Variants in ASAP2 observed in about 807,000 individuals in gnomAD.
The protein encoded by ASAP2 is arf-GAP with SH3 domain, ANK repeat and PH domain-containing protein 2.
In ASAP2, 45 loss-of-function variants were observed where a neutral mutation model predicts 131.4. The ratio of observed to expected loss-of-function variants is 0.34; its 90% CI spans 0.27 to 0.44. The LOEUF is 0.44. Among genes scored for constraint, ASAP2 ranks in the 20% least tolerant of loss-of-function variants. ASAP2 has a pLI of 1.00. For synonymous variants in ASAP2, 510 were observed against 503.0 expected, an observed-to-expected ratio of 1.01 and a Z score of -0.19; for missense variants, 1,011 against 1,297.0, an observed-to-expected ratio of 0.78 and a Z score of 3.39.
At chr2:9,368,261 G>A (rs1673633460) in intron 15 of ASAP2, among the ~76,000 whole-genome samples, 164 bp from the exon 16 acceptor site, 1 of 152,132 alleles carries the variant, frequency 6.6e-6, no homozygotes, top group Non-Finnish European at 1.5e-5. Context: ...AATTTTATGG[G>A]TACCTTTGGG....
rs367622738 is a variant in ASAP2 at position 9,286,449 on chromosome 2, T to A, written c.199+7060T>A. The stretch of plus-strand genomic sequence containing the variant: ...TTTTTTAAAAAAGGAAAAAAAAAAA[T>A]ATATATATATATACTGTATCTGATT... On this transcript the variant is annotated intron_variant, in intron 2 of 27. Coordinates refer to ENST00000281419, the MANE Select transcript of ASAP2 (RefSeq NM_003887.3). Among the ~76,000 whole-genome samples, 976 of 143,648 alleles carry A rather than the reference T, an allele frequency of 6.8e-3. 7 individuals carry two copies. The highest frequency in any genetic ancestry group is 9.6e-3 in the Non-Finnish European group (645 of 66,914). The allele number at this position is 143,648 out of a possible 152,430, so 94.2% of individuals were successfully genotyped here. A position where few individuals can be genotyped will look rare whatever the true frequency, so the allele number is the denominator to read the frequency against.
intron 4 of ASAP2, among the ~76,000 whole-genome samples, chr2:9,319,489 C>CG (rs998970264): frequency 3.9e-5 from 6 of 152,152 alleles, no homozygotes; most frequent in African/African-American, 1.4e-4. Flanking sequence ...AACTCACGGG[C>CG]GGGAAGGCAT....
At chr2:9,336,372 C>T (rs1159692719) in intron 9 of ASAP2, among the ~76,000 whole-genome samples, 1 of 152,112 alleles carries the variant, frequency 6.6e-6, no homozygotes, top group African/African-American at 2.4e-5. Context: ...GGAGCGCTGC[C>T]TCTGATCACC....
chr2:9,284,993 T>TA (rs1444823818), intron 2 of ASAP2, among the ~76,000 whole-genome samples: 1 of 152,220 alleles, frequency 6.6e-6, no homozygotes, highest in Non-Finnish European at 1.5e-5. Flanking sequence ...TTACCATCGT[T>TA]ACCTGCACAA....
intron 3 of ASAP2, among the ~76,000 whole-genome samples, chr2:9,308,228 A>C (rs1669074503): frequency 6.6e-6 from 1 of 152,166 alleles, no homozygotes; most frequent in South Asian, 2.1e-4. Flanking sequence ...GCTTCTGGGG[A>C]GGCCTCAGGA....
At chr2:9,401,538 C>G in intron 27 of ASAP2, 142 bp downstream of exon 27, 1 of 1,145,232 alleles carries the variant, frequency 8.7e-7, no homozygotes, top group Non-Finnish European at 1.2e-6. Context: ...CCCTTAGCAT[C>G]CTCAGGAGCT....
chr2:9,332,498 C>T (rs1261214916), intron 7 of ASAP2, among the ~76,000 whole-genome samples: 1 of 152,180 alleles, frequency 6.6e-6, no homozygotes, highest in Non-Finnish European at 1.5e-5. Context: ...AATCCAAATT[C>T]ATATTGTTAT....
intron 1 of ASAP2, among the ~76,000 whole-genome samples, chr2:9,214,469 A>G (rs993418483): frequency 6.6e-6 from 1 of 152,020 alleles, no homozygotes; most frequent in African/African-American, 2.4e-5. Flanking sequence ...TGAACTCCTG[A>G]CCTCAGGTGA....
At chr2:9,399,905 G>T in intron 24 of ASAP2, 118 bp from the exon 25 acceptor site, 1 of 1,014,144 alleles carries the variant, frequency 9.9e-7, no homozygotes, top group East Asian at 2.4e-5. Context: ...AGTGACAGTG[G>T]AGGAAACCAC....
chr2:9,367,424 T>G (rs1192053124), intron 15 of ASAP2, among the ~76,000 whole-genome samples: 1 of 152,214 alleles, frequency 6.6e-6, no homozygotes, highest in African/African-American at 2.4e-5. Context: ...CTCAAAGCAC[T>G]GAGCTTGGTG....
chr2:9,317,192 C>T (rs530699616), intron 3 of ASAP2, among the ~76,000 whole-genome samples: 6 of 143,552 alleles, frequency 4.2e-5, no homozygotes, highest in Non-Finnish European at 6.2e-5. Context: ...ACACACCCCA[C>T]GCAATCACAC....
chr2:9,317,442 T>TCA (rs139294738), intron 3 of ASAP2, among the ~76,000 whole-genome samples: 149,322 of 150,652 alleles, frequency 0.99, 74,010 homozygotes, highest in Middle Eastern at 1. Context: ...ATACTCACAT[T>TCA]CTCACACACA....
chr2:9,251,416 A>C (rs1664696528), intron 1 of ASAP2, among the ~76,000 whole-genome samples: 1 of 152,158 alleles, frequency 6.6e-6, no homozygotes, highest in Admixed American at 6.5e-5. Context: ...AATCTGGTTG[A>C]GTCTGGCTGC....
In ASAP2 at chr2:9,355,622, C is replaced by A. The variant is rs144104764; in HGVS notation, c.1112-425C>A. ...TATTTGATTCTCAAAGCATATTATT[C>A]TTAGAATTTCTCATACTAATCTTTT... On this transcript the variant is annotated intron_variant, in intron 12 of 27. Transcript: ENST00000281419. Among the ~76,000 whole-genome samples the A allele has an allele frequency of 1.6e-4, 24 of 152,294 alleles. No individual in the cohort carries two copies. The East Asian group carries it at 1.7e-3, about 11-fold the overall frequency.
intron 1 of ASAP2, among the ~76,000 whole-genome samples, chr2:9,242,360 G>C (rs988240605): frequency 1.5e-4 from 23 of 152,232 alleles, no homozygotes; most frequent in African/African-American, 5.3e-4. Flanking sequence ...TGTTGAATAA[G>C]TGCACTAAGG....
At chr2:9,332,666 T>A (rs948967202) in intron 7 of ASAP2, among the ~76,000 whole-genome samples, 2 of 152,216 alleles carry the variant, frequency 1.3e-5, no homozygotes, top group Admixed American at 1.3e-4. Context: ...CTTGGAGCTG[T>A]ACACCTGCTC....
Position 9,335,083 on chromosome 2 carries a change from G to A in ASAP2, c.763-10G>A. On this transcript the variant is annotated splice_polypyrimidine_tract_variant and intron_variant, in intron 8 of 27. Transcript: ENST00000281419. ...CTGATTGGTTCTGTTGTGTGTGTGT[G>A]TTTTTAAAGATCAAACAGGCCCAGG... 6.2e-7 allele frequency: 1 copy of A among 1,612,712 alleles called. No homozygotes were observed. Among genetic ancestry groups the A allele is most frequent in the Non-Finnish European group, 8.5e-7 (1 of 1,178,822 alleles).
chr2:9,312,442 AT>A (rs1669362877), intron 3 of ASAP2, among the ~76,000 whole-genome samples: 1 of 151,936 alleles, frequency 6.6e-6, no homozygotes, highest in African/African-American at 2.4e-5. Flanking sequence ...CCTCTATGCC[AT>A]TCCTTTTGCC....
intron 1 of ASAP2, among the ~76,000 whole-genome samples, chr2:9,222,709 T>C (rs916786709): frequency 6.6e-6 from 1 of 152,162 alleles, no homozygotes; most frequent in Non-Finnish European, 1.5e-5. Context: ...TTGCATACTT[T>C]TGATTTGGAA....
Sources: gnomAD v4.1 joint callset for allele counts (sites outside exome capture counted in the v4.1 genomes callset) on GRCh38, gnomAD v4.1.1 for gene constraint, MANE v1.5 for transcripts, NCBI Gene and HGNC (gene_info 2026-07-23, HGNC 2026-07-21) for gene names.